PLEKHH2: variants seen among roughly 807,000 people sequenced by gnomAD.
The protein encoded by PLEKHH2 is pleckstrin homology domain-containing family H member 2.
In PLEKHH2, 129 loss-of-function variants were observed where a neutral mutation model predicts 187.9. That is an observed-to-expected ratio of 0.69 (90% confidence interval 0.59 to 0.79). PLEKHH2 has a LOEUF of 0.79. Among genes scored for constraint, PLEKHH2 ranks in the 30% least tolerant of loss-of-function variants. PLEKHH2 has a pLI of 0.00. For missense variants in PLEKHH2, 2,076 were observed against 1,751.2 expected, an observed-to-expected ratio of 1.19 and a Z score of -3.31; for synonymous variants, 686 against 605.6, an observed-to-expected ratio of 1.13 and a Z score of -1.95.
intron 2 of PLEKHH2, among the ~76,000 whole-genome samples, chr2:43,674,869 C>G (rs979676566): frequency 6.6e-6 from 1 of 151,958 alleles, no homozygotes; most frequent in African/African-American, 2.4e-5. Context: ...CCTGTAGTCC[C>G]AGCTACTCAG....
At chr2:43,705,998 G>A (rs1450937012) in intron 9 of PLEKHH2, among the ~76,000 whole-genome samples, 1 of 152,190 alleles carries the variant, frequency 6.6e-6, no homozygotes. Context: ...TGGTTGGTAA[G>A]CAGTTGCCTG....
chr2:43,673,198 C>G (rs1667571446), intron 2 of PLEKHH2, among the ~76,000 whole-genome samples: 2 of 152,160 alleles, frequency 1.3e-5, no homozygotes, highest in South Asian at 4.1e-4. Flanking sequence ...TGCACCCTGA[C>G]CTACTTCTTT....
In PLEKHH2 at chr2:43,729,802, G is replaced by A. The variant is rs544081576; in HGVS notation, c.2830+57G>A. 3.2e-5 allele frequency: 40 copies of A among 1,240,958 alleles called. No homozygotes were observed. In the African/African-American group the frequency reaches 3.5e-4, roughly 11 times the overall value. 76.9% of individuals were successfully genotyped at this position (1,240,958 alleles called of 1,614,324 possible). The stretch of plus-strand genomic sequence containing the variant: ...TGGTTAATGAAATGGACCTCAACCC[G>A]CTTAGCCTAATGGAGTTTTCACTTA... On this transcript the variant is annotated intron_variant, in intron 18 of 29. Transcript: ENST00000282406.
Position 43,743,936 on chromosome 2 carries a change from A to C in PLEKHH2, c.3502A>C (p.Thr1168Pro), listed in dbSNP as rs572029397. The C allele has an allele frequency of 6.2e-7, 1 of 1,614,038 alleles. No homozygotes were observed. Among genetic ancestry groups the C allele is most frequent in the Non-Finnish European group, 8.5e-7 (1 of 1,180,004 alleles). Residue 1168 changes from threonine (T) to proline (P), a missense_variant, in exon 23 of 30, where the codon ACT (threonine) becomes CCT (proline). By Grantham distance (38) the Thr-to-Pro change is conservative. Transcript: ENST00000282406. ...KPAQSGFALF[T>P]DDPSGRDLEH... ...AGCGCAGTCTGGATTTGCGTTGTTC[A>C]CTGACGATCCTTCTGGCAGAGATTT...
intron 8 of PLEKHH2, among the ~76,000 whole-genome samples, chr2:43,701,082 G>A (rs776779206): frequency 6.6e-6 from 1 of 152,144 alleles, no homozygotes; most frequent in Non-Finnish European, 1.5e-5. Context: ...GGAGATCAAG[G>A]TATTACCTTA....
At chr2:43,762,833 T>G (rs1047542515) in intron 28 of PLEKHH2, among the ~76,000 whole-genome samples, 3 of 152,238 alleles carry the variant, frequency 2.0e-5, no homozygotes, top group Non-Finnish European at 4.4e-5. Context: ...ACTTTTCACA[T>G]AGTTTAAATT....
chr2:43,749,594 A>G (rs1671925970), intron 24 of PLEKHH2, among the ~76,000 whole-genome samples: 2 of 152,358 alleles, frequency 1.3e-5, no homozygotes, highest in South Asian at 4.1e-4. Flanking sequence ...ACCTCATGAC[A>G]ATGTCTTTGA....
chr2:43,716,906 A>T (rs1001257801), intron 15 of PLEKHH2, among the ~76,000 whole-genome samples: 1 of 152,186 alleles, frequency 6.6e-6, no homozygotes, highest in Non-Finnish European at 1.5e-5. Context: ...CTCTTGTCAC[A>T]TTCTTCACTA....
At chr2:43,642,582 T>C (rs1665993946) in intron 1 of PLEKHH2, among the ~76,000 whole-genome samples, 1 of 152,206 alleles carries the variant, frequency 6.6e-6, no homozygotes, top group Non-Finnish European at 1.5e-5. Flanking sequence ...GTAAGTATGA[T>C]GTTAGCTGTG....
chr2:43,641,279 A>G (rs1574461347), intron 1 of PLEKHH2, among the ~76,000 whole-genome samples: 1 of 152,090 alleles, frequency 6.6e-6, no homozygotes, highest in Non-Finnish European at 1.5e-5. Flanking sequence ...ATGAAGTCCA[A>G]TTTATCTATT....
At chr2:43,695,742 A>G (rs943346196) in intron 6 of PLEKHH2, among the ~76,000 whole-genome samples, 1 of 152,356 alleles carries the variant, frequency 6.6e-6, no homozygotes. Context: ...AGGTAGTTGT[A>G]TCAGAGAGAC....
chr2:43,657,396 A>C (rs1301487838), intron 2 of PLEKHH2, among the ~76,000 whole-genome samples: 1 of 152,116 alleles, frequency 6.6e-6, no homozygotes, highest in African/African-American at 2.4e-5. Context: ...ACTGGAAACT[A>C]TCTGAGCCAC....
At chr2:43,712,524 A>T in intron 15 of PLEKHH2, 141 bp downstream of exon 15, 2 of 935,520 alleles carry the variant, frequency 2.1e-6, no homozygotes, top group South Asian at 4.1e-5. Context: ...TTTAAGTATG[A>T]TGCCCAAGGC....
At chr2:43,648,893 C>T (rs1055452225) in intron 2 of PLEKHH2, among the ~76,000 whole-genome samples, 2 of 152,032 alleles carry the variant, frequency 1.3e-5, no homozygotes, top group Admixed American at 6.6e-5. Flanking sequence ...AATGTAATTA[C>T]ATATTGATAG....
At chr2:43,688,178 T>C (rs540979583) in intron 3 of PLEKHH2, among the ~76,000 whole-genome samples, 1 of 152,224 alleles carries the variant, frequency 6.6e-6, no homozygotes, top group South Asian at 2.1e-4. Context: ...ATCAATAGAG[T>C]AAACATACAG....
chr2:43,680,292 C>G (rs1236567246), intron 3 of PLEKHH2, among the ~76,000 whole-genome samples: 1 of 152,150 alleles, frequency 6.6e-6, no homozygotes, highest in African/African-American at 2.4e-5. Flanking sequence ...GTTCACAACA[C>G]AAATAAATAG....
intron 2 of PLEKHH2, among the ~76,000 whole-genome samples, chr2:43,648,006 C>A (rs1431586268): frequency 6.6e-6 from 1 of 152,260 alleles, no homozygotes; most frequent in African/African-American, 2.4e-5. Context: ...TATCCTCAAT[C>A]TAGAGAATTA....
intron 18 of PLEKHH2, among the ~76,000 whole-genome samples, chr2:43,730,934 C>A (rs1476998318): frequency 2.6e-5 from 4 of 152,168 alleles, no homozygotes; most frequent in Non-Finnish European, 5.9e-5. Context: ...TATAGTCATG[C>A]CCCCTACCTA....
At chr2:43,690,427 G>T (rs1214638246) in intron 3 of PLEKHH2, among the ~76,000 whole-genome samples, 1 of 150,884 alleles carries the variant, frequency 6.6e-6, no homozygotes, top group Non-Finnish European at 1.5e-5. Context: ...CATCTGAATT[G>T]ATTTACATTT....
Sources: allele counts gnomAD v4.1 joint callset (sites outside exome capture counted in the v4.1 genomes callset), GRCh38; gene constraint gnomAD v4.1.1; transcripts MANE v1.5; gene names NCBI Gene and HGNC (gene_info 2026-07-23, HGNC 2026-07-21).